Variants in IQGAP2 observed in about 807,000 individuals in gnomAD.
IQGAP2 encodes IQ motif containing GTPase activating protein 2, also known as ras GTPase-activating-like protein IQGAP2.
A neutral mutation model predicts 201.3 loss-of-function variants in IQGAP2; 173 were observed. The observed-to-expected ratio is 0.86, with a 90% CI of 0.76 to 0.98. The LOEUF (loss-of-function observed/expected upper bound fraction) is 0.98. Among genes scored for constraint, IQGAP2 ranks in the 50% least tolerant of loss-of-function variants. The pLI is 0.00. For synonymous variants in IQGAP2, 675 were observed against 673.9 expected, an observed-to-expected ratio of 1.00 and a Z score of -0.03; for missense variants, 1,687 against 1,864.8, an observed-to-expected ratio of 0.90 and a Z score of 1.76.
intron 1 of IQGAP2, among the ~76,000 whole-genome samples, chr5:76,427,221 C>T (rs1752060415): frequency 6.6e-6 from 1 of 152,132 alleles, no homozygotes; most frequent in Non-Finnish European, 1.5e-5. Context: ...TGCCACATGT[C>T]CCCGGTTAAG....
intron 1 of IQGAP2, chr5:76,404,512 G>T: frequency 4.1e-6 from 4 of 985,408 alleles, no homozygotes; most frequent in Non-Finnish European, 4.8e-6. Flanking sequence ...TCTTTGCCCA[G>T]GCTGGCCTTG....
intron 32 of IQGAP2, among the ~76,000 whole-genome samples, chr5:76,697,043 A>G (rs1027596232): frequency 2.6e-5 from 4 of 152,196 alleles, no homozygotes; most frequent in African/African-American, 9.7e-5. Flanking sequence ...TAAGTCAAAC[A>G]TTTTCATAAC....
chr5:76,502,901 A>G (rs145375783), intron 2 of IQGAP2, among the ~76,000 whole-genome samples: 1 of 142,220 alleles, frequency 7.0e-6, no homozygotes, highest in Admixed American at 7.0e-5. Context: ...ACAGCTGGCT[A>G]TTTTTTTTTT....
chr5:76,415,727 A>G (rs907085556), intron 1 of IQGAP2, among the ~76,000 whole-genome samples: 8 of 152,240 alleles, frequency 5.3e-5, no homozygotes, highest in Non-Finnish European at 4.4e-5. Context: ...AGATCACTGG[A>G]GGCCAGGAGT....
Position 76,597,504 on chromosome 5 carries a change from G to A in IQGAP2, c.973G>A (p.Ala325Thr). 1.2e-6 allele frequency: 2 copies of A among 1,613,972 alleles called. No homozygotes were observed. The highest frequency in any genetic ancestry group is 1.1e-5 in the South Asian group (1 of 91,050). ...AGGTGACCCCGAGAATACGCTGCTT[G>A]CACTGAAGAAACCAGAGGCCCAGCT... ...PEGDPENTLL[A>T]LKKPEAQLPA... Residue 325 changes from alanine to threonine, a missense_variant, in exon 10 of 36, where the codon GCA becomes ACA. Transcript: ENST00000274364.
intron 13 of IQGAP2, among the ~76,000 whole-genome samples, chr5:76,623,761 T>C (rs969104408): frequency 1.3e-5 from 2 of 152,226 alleles, no homozygotes; most frequent in African/African-American, 4.8e-5. Context: ...TTTACATAAT[T>C]ATAAATTAAT....
At chr5:76,491,070 A>C (rs1435016968) in intron 2 of IQGAP2, among the ~76,000 whole-genome samples, 2 of 151,666 alleles carry the variant, frequency 1.3e-5, no homozygotes, top group African/African-American at 2.4e-5. Flanking sequence ...ATAGTAATAA[A>C]TGTGTCATAA....
Position 76,683,931 on chromosome 5 carries a change from T to C in IQGAP2, c.3905+14T>C. 1 of 1,603,128 alleles carries C rather than the reference T, an allele frequency of 6.2e-7. No individual in the cohort carries two copies. The highest frequency in any genetic ancestry group is 8.5e-7 in the Non-Finnish European group (1 of 1,173,698). Reference sequence around the variant, plus strand: ...CCTCATGATAAAGTAAGTTTGGGGGTTAAAGGGCACATGTCTCCAAATACA... The same window carrying C: ...CCTCATGATAAAGTAAGTTTGGGGGCTAAAGGGCACATGTCTCCAAATACA... On this transcript the variant is annotated intron_variant, in intron 30 of 35. Coordinates refer to ENST00000274364, the MANE Select transcript of IQGAP2 (RefSeq NM_006633.5).
intron 2 of IQGAP2, among the ~76,000 whole-genome samples, chr5:76,502,978 C>T (rs1376174661): frequency 2.0e-5 from 3 of 151,644 alleles, no homozygotes; most frequent in African/African-American, 4.8e-5. Flanking sequence ...CTGCCAGGCT[C>T]AAGTGATCCT....
chr5:76,581,152 A>G (rs543500780), intron 5 of IQGAP2, among the ~76,000 whole-genome samples: 10 of 152,334 alleles, frequency 6.6e-5, no homozygotes, highest in South Asian at 6.2e-4. Context: ...GAGTTTGTCT[A>G]GCCAGCTCCC....
chr5:76,473,886 C>T (rs182112283), intron 2 of IQGAP2, among the ~76,000 whole-genome samples: 8 of 152,252 alleles, frequency 5.3e-5, no homozygotes, highest in South Asian at 2.1e-4. Flanking sequence ...ACCTCCCCAC[C>T]GGAAGCTGCC....
intron 1 of IQGAP2, among the ~76,000 whole-genome samples, chr5:76,429,052 C>T (rs890081808): frequency 2.1e-5 from 3 of 143,264 alleles, no homozygotes; most frequent in Non-Finnish European, 4.6e-5. Flanking sequence ...GTACTAGAGC[C>T]CGAGTGACAG....
intron 8 of IQGAP2, 119 bp from the exon 9 acceptor site, chr5:76,592,719 C>A: frequency 1.4e-6 from 1 of 707,164 alleles, no homozygotes; most frequent in Non-Finnish European, 2.5e-6. Context: ...CAAATGCTTG[C>A]AATGAATTTA....
Position 76,683,169 on chromosome 5 carries a change from G to A in IQGAP2, c.3715G>A (p.Glu1239Lys). ...CCCTGAGAAAAATGACTTACTGAGT[G>A]AATTGCTGGGGTCGCTGGGAGAGGT... The part of the protein sequence containing the change: ...IAPEKNDLLS[E>K]LLGSLGEVPT... Residue 1239 changes from glutamate to lysine, a missense_variant, in exon 29 of 36, where the codon GAA becomes AAA. Coordinates refer to ENST00000274364, the MANE Select transcript of IQGAP2 (RefSeq NM_006633.5). 1 of 1,612,660 alleles carries A rather than the reference G, an allele frequency of 6.2e-7. No individual in the cohort carries two copies. The highest frequency in any genetic ancestry group is 8.5e-7 in the Non-Finnish European group (1 of 1,179,354).
intron 30 of IQGAP2, among the ~76,000 whole-genome samples, chr5:76,688,389 G>A (rs1326776536): frequency 1.3e-5 from 2 of 152,138 alleles, no homozygotes; most frequent in African/African-American, 4.8e-5. Context: ...AGAATTTGAG[G>A]CATTGTTAAT....
intron 1 of IQGAP2, among the ~76,000 whole-genome samples, chr5:76,443,953 T>G (rs1753207393): frequency 6.6e-6 from 1 of 152,220 alleles, no homozygotes; most frequent in Non-Finnish European, 1.5e-5. Context: ...AATTCACAAG[T>G]CTAAACTTGT....
In IQGAP2 at chr5:76,668,801, C is replaced by G; in HGVS notation, c.2800C>G (p.Leu934Val). Residue 934 changes from leucine (L) to valine (V), a missense_variant, in exon 23 of 36, where the codon CTA becomes GTA. By Grantham distance (32) the Leu-to-Val change is conservative. Coordinates refer to ENST00000274364, the MANE Select transcript of IQGAP2 (RefSeq NM_006633.5). ...TGCCTCTAATCAGCGAGAAGAATAT[C>G]TACTTCTCAAGCTTTTTAAAACTGC... Reference protein sequence around the residue: ...NYASNQREEYLLLKLFKTALE... With the variant: ...NYASNQREEYVLLKLFKTALE... 6.2e-7 allele frequency: 1 copy of G among 1,605,796 alleles called. No homozygotes were observed. Among genetic ancestry groups the G allele is most frequent in the Non-Finnish European group, 8.5e-7 (1 of 1,175,514 alleles).
At chr5:76,668,606 C>A in intron 22 of IQGAP2, 75 bp from the exon 23 acceptor site, 1 of 1,211,546 alleles carries the variant, frequency 8.3e-7, no homozygotes, top group South Asian at 1.4e-5. Flanking sequence ...TCAGATACTG[C>A]TTTGTGCTTT....
chr5:76,423,682 A>AAAG (rs1174001187), intron 1 of IQGAP2, among the ~76,000 whole-genome samples: 1 of 152,240 alleles, frequency 6.6e-6, no homozygotes, highest in Admixed American at 6.5e-5. Context: ...AAAACAGATG[A>AAAG]AAGAAGAAAG....
Sources: allele counts gnomAD v4.1 joint callset (sites outside exome capture counted in the v4.1 genomes callset), GRCh38; gene constraint gnomAD v4.1.1; transcripts MANE v1.5; gene names NCBI Gene and HGNC (gene_info 2026-07-23, HGNC 2026-07-21).